CIT: variants seen among roughly 807,000 people sequenced by gnomAD.
CIT encodes the protein citron Rho-interacting kinase.
Under a neutral mutation model 272.7 loss-of-function variants are expected in CIT, and 79 were observed. The ratio of observed to expected loss-of-function variants is 0.29; its 90% CI spans 0.24 to 0.35. The LOEUF is 0.35. Among genes scored for constraint, CIT ranks in the 10% least tolerant of loss-of-function variants. The pLI is 1.00. For synonymous variants in CIT, 948 were observed against 995.6 expected, an observed-to-expected ratio of 0.95 and a Z score of 0.90; for missense variants, 1,909 against 2,618.3, an observed-to-expected ratio of 0.73 and a Z score of 5.91.
intron 27 of CIT, among the ~76,000 whole-genome samples, chr12:119,729,930 C>T (rs1470937862): frequency 6.6e-6 from 1 of 152,166 alleles, no homozygotes; most frequent in Non-Finnish European, 1.5e-5. Flanking sequence ...CTGTATCTCT[C>T]TCAAGATTAT....
chr12:119,750,748 TATAGATAGATAGATAG>T (rs6144898), intron 23 of CIT, among the ~76,000 whole-genome samples: 31,670 of 147,862 alleles, frequency 0.21, 3,589 homozygotes, highest in Middle Eastern at 0.31. Flanking sequence ...TATATATAGA[TATAGATAGATAGATAG>T]ATAGATAGAT....
chr12:119,767,098 C>T lies in CIT; in HGVS notation c.2293G>A (p.Glu765Lys). The T allele has an allele frequency of 6.2e-7, 1 of 1,609,200 alleles. No homozygotes were observed. Among genetic ancestry groups the T allele is most frequent in the South Asian group, 1.1e-5 (1 of 89,592 alleles). ...GAAAATGTCTTTACTTTAATCTTTTCCTCATAGTGCTGCTCTTTCTGTTTC... is the reference window on the plus strand; with the variant it reads ...GAAAATGTCTTTACTTTAATCTTTTTCTCATAGTGCTGCTCTTTCTGTTTC... ...HLKQKEQHYE[E>K]KIKVLDNQIK... The change falls in exon 19 of 48, where the codon GAA becomes AAA. Residue 765 changes from glutamate to lysine, a missense_variant. Coordinates refer to ENST00000392521, the MANE Select transcript of CIT (RefSeq NM_001206999.2).
chr12:119,729,373 T>G (rs1326676577), intron 27 of CIT, among the ~76,000 whole-genome samples: 1 of 152,162 alleles, frequency 6.6e-6, no homozygotes, highest in African/African-American at 2.4e-5. Context: ...ATCATGGATG[T>G]CCATAAAGAT....
rs1970118139 is a variant in CIT at position 119,850,281 on chromosome 12, G to A, written c.415-6C>T. 6.3e-7 allele frequency: 1 copy of A among 1,582,872 alleles called. No individual in the cohort carries two copies. The highest frequency in any genetic ancestry group is 8.7e-7 in the Non-Finnish European group (1 of 1,155,076). ...TCTTCCTCAAAAAATGAAACCTAGG[G>A]AAAAAAGAAACTGCTTAGACAATTA... is the stretch of plus-strand genomic sequence containing the variant. On this transcript the variant is annotated splice_region_variant and splice_polypyrimidine_tract_variant and intron_variant, in intron 4 of 47. Coordinates refer to ENST00000392521, the MANE Select transcript of CIT (RefSeq NM_001206999.2).
intron 28 of CIT, among the ~76,000 whole-genome samples, chr12:119,725,096 C>T (rs1382846551): frequency 6.6e-6 from 1 of 152,008 alleles, no homozygotes. Context: ...AAAATTCTTT[C>T]AATTCTGAGA....
intron 2 of CIT, among the ~76,000 whole-genome samples, chr12:119,874,959 T>C (rs1045512436): frequency 6.6e-6 from 1 of 151,618 alleles, no homozygotes. Context: ...CCCACAGAAA[T>C]TGTAGTTTTA....
chr12:119,704,546 T>C (rs1402072226), intron 40 of CIT, 91 bp from the exon 41 acceptor site: 3 of 1,107,990 alleles, frequency 2.7e-6, no homozygotes, highest in African/African-American at 3.1e-5. Context: ...CTCAGCGCCA[T>C]TGATGATTCA....
intron 16 of CIT, among the ~76,000 whole-genome samples, chr12:119,774,415 G>A (rs1963526020): frequency 1.3e-5 from 2 of 152,030 alleles, no homozygotes; most frequent in Non-Finnish European, 2.9e-5. Flanking sequence ...CATTCATTCT[G>A]GCCCTTCCAT....
intron 46 of CIT, among the ~76,000 whole-genome samples, chr12:119,691,284 G>A (rs1955932361): frequency 6.6e-6 from 1 of 151,980 alleles, no homozygotes; most frequent in African/African-American, 2.4e-5. Context: ...CATCAACTAG[G>A]AGGTCAGCCT....
At chr12:119,695,830 T>G (rs1331699371) in intron 46 of CIT, among the ~76,000 whole-genome samples, 2 of 152,094 alleles carry the variant, frequency 1.3e-5, no homozygotes, top group Admixed American at 1.3e-4. Flanking sequence ...CCTACACACA[T>G]CCTGTTGTAC....
At chr12:119,699,571 G>A (rs368428386) in intron 44 of CIT, among the ~76,000 whole-genome samples, 2 of 152,220 alleles carry the variant, frequency 1.3e-5, no homozygotes, top group East Asian at 3.9e-4. Context: ...GAGCACGCTT[G>A]CCAGCTTCCG....
rs1489315183 is a variant in CIT, at chr12:119,688,259, G to A, written c.6187-4C>T. The stretch of plus-strand genomic sequence containing the variant: ...ATACTGAAGACTGGTCCCAGACCTA[G>A]GAGTGAAATAAGGAGGAGTGTTAGC... On this transcript the variant is annotated splice_polypyrimidine_tract_variant and splice_region_variant and intron_variant, in intron 47 of 47. Transcript: ENST00000392521. The A allele has an allele frequency of 3.1e-6, 5 of 1,591,464 alleles. No homozygotes were observed. The Middle Eastern group carries it at 5.0e-4, about 158-fold the overall frequency.
At chr12:119,789,768 A>G (rs1965138723) in intron 10 of CIT, among the ~76,000 whole-genome samples, 1 of 152,058 alleles carries the variant, frequency 6.6e-6, no homozygotes, top group African/African-American at 2.4e-5. Context: ...GTGCAGTGGC[A>G]CAATCTCGGC....
At chr12:119,740,038 G>C (rs1958982242) in intron 24 of CIT, among the ~76,000 whole-genome samples, 1 of 152,162 alleles carries the variant, frequency 6.6e-6, no homozygotes, top group South Asian at 2.1e-4. Flanking sequence ...TTTATAATCT[G>C]AACTCTATCT....
At chr12:119,776,496 T>C (rs1963762234) in intron 14 of CIT, 88 bp from the exon 15 acceptor site, 2 of 1,199,422 alleles carry the variant, frequency 1.7e-6, no homozygotes, top group African/African-American at 1.5e-5. Flanking sequence ...GTGACCAAGA[T>C]AATAATAGTA....
At chr12:119,714,778 TG>T (rs1409080727) in intron 32 of CIT, among the ~76,000 whole-genome samples, 3 of 152,220 alleles carry the variant, frequency 2.0e-5, no homozygotes, top group African/African-American at 7.2e-5. Flanking sequence ...CTGGTAGTTC[TG>T]TAAAAGGTTA....
At chr12:119,794,392 C>T (rs536222355) in intron 10 of CIT, among the ~76,000 whole-genome samples, 4 of 152,296 alleles carry the variant, frequency 2.6e-5, no homozygotes, top group African/African-American at 4.8e-5. Flanking sequence ...GAGAAGTGTG[C>T]TGCATGTATG....
Position 119,713,586 on chromosome 12 carries a change from C to T in CIT, c.4369G>A (p.Ala1457Thr). 6.2e-7 allele frequency: 1 copy of T among 1,614,256 alleles called. No individual in the cohort carries two copies. Among genetic ancestry groups the T allele is most frequent in the South Asian group, 1.1e-5 (1 of 91,090 alleles). The part of the protein sequence containing the change: ...TCLPATCGLP[A>T]EYATHFTEAF... ...TCGGTGAAGTGTGTGGCATATTCAG[C>T]AGGCAAGCCGCAGGTGGCTGGCAAG... Residue 1457 changes from alanine (A) to threonine (T), a missense_variant, in exon 34 of 48, where the codon GCT (alanine) becomes ACT (threonine). Coordinates refer to ENST00000392521, the MANE Select transcript of CIT (RefSeq NM_001206999.2). This position sits in a 1 kb window ranked among gnomAD's most constrained non-coding sequence, Gnocchi z 5.2.
chr12:119,737,544 T>G (rs1249675547), intron 24 of CIT, among the ~76,000 whole-genome samples: 1 of 152,124 alleles, frequency 6.6e-6, no homozygotes, highest in Non-Finnish European at 1.5e-5. Flanking sequence ...CAAAGTTATA[T>G]TATAAAATGC....
Sources: allele counts gnomAD v4.1 joint callset (sites outside exome capture counted in the v4.1 genomes callset), GRCh38; gene constraint gnomAD v4.1.1; non-coding constraint Gnocchi (gnomAD v3.1); transcripts MANE v1.5; gene names NCBI Gene and HGNC (gene_info 2026-07-23, HGNC 2026-07-21).